STXBP5: variants seen among roughly 807,000 people sequenced by gnomAD.
STXBP5 encodes the protein syntaxin binding protein 5.
A neutral mutation model predicts 152.4 loss-of-function variants in STXBP5; 50 were observed. The ratio of observed to expected loss-of-function variants is 0.33; its 90% CI spans 0.26 to 0.42. The LOEUF (loss-of-function observed/expected upper bound fraction) is 0.42, where lower values mean the gene tolerates loss of function less well. Among genes scored for constraint, STXBP5 ranks in the 10% least tolerant of loss-of-function variants. The pLI is 1.00. For missense variants in STXBP5, 1,167 were observed against 1,388.6 expected (o/e 0.84, Z 2.54); for synonymous variants, 492 against 494.7 (o/e 0.99, Z 0.07).
intron 9 of STXBP5, among the ~76,000 whole-genome samples, chr6:147,305,160 G>T (rs371488826): frequency 1.3e-5 from 2 of 152,214 alleles, no homozygotes; most frequent in Non-Finnish European, 2.9e-5. Flanking sequence ...TCAAGACTGA[G>T]TGTAGACACT....
chr6:147,315,577 G>A lies in STXBP5; in HGVS notation c.1465G>A (p.Asp489Asn), dbSNP rs1321008374. The change falls in exon 15 of 28, where the codon GAT (aspartate) becomes AAT (asparagine). Residue 489 changes from aspartate to asparagine, a missense_variant. By Grantham distance (23) the Asp-to-Asn change is conservative. Transcript: ENST00000321680. ...SKVFEKSRNK[D>N]DRPNTDIVDE... is the part of the protein sequence containing the mutation. ...AGTATTTGAAAAGTCAAGAAATAAAGATGACAGGCCAAACACAGACATTGT... is the reference window on the plus strand; with the variant it reads ...AGTATTTGAAAAGTCAAGAAATAAAAATGACAGGCCAAACACAGACATTGT... 1.9e-6 allele frequency: 3 copies of A among 1,613,720 alleles called. No individual in the cohort carries two copies. Among genetic ancestry groups the A allele is most frequent in the Non-Finnish European group, 2.5e-6 (3 of 1,179,822 alleles).
chr6:147,334,361 T>C (rs1325598747), intron 19 of STXBP5, 139 bp downstream of exon 19: 1 of 667,978 alleles, frequency 1.5e-6, no homozygotes, highest in Admixed American at 3.3e-5. Context: ...CTTAAAATCT[T>C]AACTGCATTC....
chr6:147,353,290 T>C, intron 21 of STXBP5, 33 bp from the exon 22 acceptor site: 2 of 1,462,168 alleles, frequency 1.4e-6, no homozygotes, highest in Non-Finnish European at 1.9e-6. Flanking sequence ...TCAAATATTC[T>C]TCAGAATTTT....
chr6:147,273,738 TC>T (rs1780296224), intron 7 of STXBP5, among the ~76,000 whole-genome samples: 1 of 152,014 alleles, frequency 6.6e-6, no homozygotes, highest in Non-Finnish European at 1.5e-5. Context: ...GATCACGAGG[TC>T]AGGAGATCGA....
intron 21 of STXBP5, among the ~76,000 whole-genome samples, chr6:147,349,263 ATTG>A (rs1434941576): frequency 6.6e-6 from 1 of 152,152 alleles, no homozygotes; most frequent in African/African-American, 2.4e-5. Flanking sequence ...TCATCAGTAT[ATTG>A]TTGTAGAACA....
rs368186967 is a variant in STXBP5 at position 147,378,780 on chromosome 6, A to T, written c.3194-3998A>T. The stretch of plus-strand genomic sequence containing the variant: ...ACAAAAATAAAATTTAATTTATATT[A>T]ACAGTAATAAAAAATGAAAAACTTT... On this transcript the variant is annotated intron_variant, in intron 26 of 27. Transcript: ENST00000321680. 5.9e-5 allele frequency among the ~76,000 whole-genome samples: 9 copies of T among 152,322 alleles called. No individual in the cohort carries two copies. The East Asian group carries it at 1.7e-3, about 29-fold the overall frequency.
chr6:147,235,348 A>T lies in STXBP5; in HGVS notation c.330+17A>T. On this transcript the variant is annotated intron_variant, in intron 3 of 27. Transcript: ENST00000321680. ...ATTAATGAGGTTAGTGAATTGTTTT[A>T]ATCATTTCTACTTATATCCAAAATA... The T allele has an allele frequency of 6.2e-7, 1 of 1,606,782 alleles. No homozygotes were observed. The highest frequency in any genetic ancestry group is 1.3e-5 in the African/African-American group (1 of 74,834).
rs1786511042 is a variant in STXBP5, at chr6:147,389,870, AGGTGTGACC to A, written c.*5116_*5124del. On this transcript the variant is annotated 3_prime_UTR_variant, in exon 28 of 28. Coordinates refer to ENST00000321680, the MANE Select transcript of STXBP5 (RefSeq NM_001127715.4). ...TAAATAAATAGTACTGTGATACTTT[AGGTGTGACC>A]TCTATTCCACATGATAGTTAGAACC... 2 of 151,526 alleles carry A rather than the reference AGGTGTGACC, an allele frequency of 1.3e-5. No individual in the cohort carries two copies. The highest frequency in any genetic ancestry group is 4.8e-5 in the African/African-American group (2 of 41,388). 9.4% of individuals were successfully genotyped at this position (151,526 alleles called of 1,614,324 possible). A position where few individuals can be genotyped will look rare whatever the true frequency, so the allele number is the denominator to read the frequency against.
chr6:147,273,235 G>A (rs1222236104), intron 7 of STXBP5, among the ~76,000 whole-genome samples: 1 of 151,130 alleles, frequency 6.6e-6, no homozygotes, highest in East Asian at 2.0e-4. Flanking sequence ...GTGGTAGCAT[G>A]TACCTGTAGT....
At chr6:147,264,894 G>A (rs568682213) in intron 6 of STXBP5, among the ~76,000 whole-genome samples, 1 of 152,050 alleles carries the variant, frequency 6.6e-6, no homozygotes, top group South Asian at 2.1e-4. Context: ...ACTAGAGCTG[G>A]CTAGAGAGGT....
chr6:147,261,999 C>T (rs192330198), intron 5 of STXBP5, among the ~76,000 whole-genome samples: 1 of 151,862 alleles, frequency 6.6e-6, no homozygotes, highest in African/African-American at 2.4e-5. Flanking sequence ...AGAATTCTAC[C>T]TTGACAATAG....
intron 23 of STXBP5, among the ~76,000 whole-genome samples, chr6:147,360,091 A>T (rs1784995847): frequency 6.6e-6 from 1 of 152,226 alleles, no homozygotes; most frequent in African/African-American, 2.4e-5. Context: ...TCAAAACCAC[A>T]ATGAGATATC....
intron 4 of STXBP5, among the ~76,000 whole-genome samples, chr6:147,239,501 A>G (rs544768744): frequency 6.6e-6 from 1 of 152,324 alleles, no homozygotes; most frequent in East Asian, 1.9e-4. Flanking sequence ...TTTACAGTGT[A>G]TGTATAAAAG....
At chr6:147,272,663 T>C (rs1308588232) in intron 7 of STXBP5, among the ~76,000 whole-genome samples, 1 of 152,174 alleles carries the variant, frequency 6.6e-6, no homozygotes, top group East Asian at 1.9e-4. Context: ...TATTCAGTGG[T>C]ATATTACTGT....
chr6:147,319,581 AC>A lies in STXBP5; in HGVS notation c.1802+3175del, dbSNP rs67356426. 3.6e-3 allele frequency among the ~76,000 whole-genome samples: 543 copies of A among 152,266 alleles called. 2 individuals are homozygous for A. Among genetic ancestry groups the A allele is most frequent in the African/African-American group, 0.013 (521 of 41,546 alleles). On this transcript the variant is annotated intron_variant, in intron 16 of 27. Transcript: ENST00000321680. ...AACAACTAACCTCATGTATAATAAA[AC>A]TTTATAAATTCATTTTATCTTGAGA...
In STXBP5 at chr6:147,311,506, T is replaced by C. The variant is rs1782373828; in HGVS notation, c.1124T>C (p.Leu375Pro). ...GTTCTTCTAGAAAAGGATTTAGTAC[T>C]TATAGACCTTGCACAAAATGGGTAA... ...VVVLLEKDLV[L>P]IDLAQNGYPI... The change falls in exon 11 of 28, where the codon CTT becomes CCT. Residue 375 changes from leucine to proline, a missense_variant. By Grantham distance (98) the Leu-to-Pro change is moderately conservative. This residue lies in a region of STXBP5 where 833 missense variants were observed against 986.3 expected (regional missense o/e 0.84). Transcript: ENST00000321680. 1 of 1,611,678 alleles carries C rather than the reference T, an allele frequency of 6.2e-7. No homozygotes were observed. The highest frequency in any genetic ancestry group is 1.3e-5 in the African/African-American group (1 of 74,826).
chr6:147,224,351 C>T (rs1347819690), intron 2 of STXBP5, among the ~76,000 whole-genome samples: 3 of 152,084 alleles, frequency 2.0e-5, no homozygotes, highest in Non-Finnish European at 4.4e-5. Flanking sequence ...CTTTCACAGC[C>T]GGGAGGCAGA....
At chr6:147,239,903 A>G (rs527386165) in intron 4 of STXBP5, among the ~76,000 whole-genome samples, 1 of 151,696 alleles carries the variant, frequency 6.6e-6, no homozygotes, top group South Asian at 2.1e-4. Flanking sequence ...TTTTCACCCC[A>G]ATTTGATTAA....
intron 18 of STXBP5, among the ~76,000 whole-genome samples, chr6:147,327,789 AC>A (rs1342253826): frequency 6.6e-6 from 1 of 152,142 alleles, no homozygotes; most frequent in East Asian, 1.9e-4. Flanking sequence ...TTGAGAAAGA[AC>A]CACGGGATCA....
Sources: gnomAD v4.1 joint callset for allele counts (sites outside exome capture counted in the v4.1 genomes callset) on GRCh38, gnomAD v4.1.1 for gene constraint, gnomAD v4.1.1 regional missense constraint, MANE v1.5 for transcripts, NCBI Gene and HGNC (gene_info 2026-07-23, HGNC 2026-07-21) for gene names.